Variants in TNK2 observed in about 807,000 individuals in gnomAD.
TNK2 encodes tyrosine kinase non receptor 2, also known as activated CDC42 kinase 1.
In TNK2, 83 loss-of-function variants were observed where a neutral mutation model predicts 101.8. The ratio of observed to expected loss-of-function variants is 0.82; its 90% CI spans 0.68 to 0.98. The LOEUF (loss-of-function observed/expected upper bound fraction) is 0.98. Among genes scored for constraint, TNK2 ranks in the 50% least tolerant of loss-of-function variants. TNK2 has a pLI of 0.00. For synonymous variants in TNK2, 804 were observed against 633.0 expected (o/e 1.27, Z -4.06); for missense variants, 1,665 against 1,483.2 (o/e 1.12, Z -2.01).
At chr3:195,869,875 G>A (rs113792845) in intron 11 of TNK2, 10 of 549,082 alleles carry the variant, frequency 1.8e-5, no homozygotes, top group East Asian at 5.9e-5. Flanking sequence ...GAGGGAGGAG[G>A]GACGCCGGGG....
At chr3:195,904,168 C>T (rs757270329) in intron 1 of TNK2, among the ~76,000 whole-genome samples, 27 of 150,370 alleles carry the variant, frequency 1.8e-4, no homozygotes, top group Non-Finnish European at 3.4e-4. Context: ...TGAGGTGGGA[C>T]GATCACCTGA....
intron 1 of TNK2, among the ~76,000 whole-genome samples, chr3:195,902,646 T>TAAAAAAAAAAAAAAAAAAAAA (rs60167945): frequency 8.3e-6 from 1 of 120,476 alleles, no homozygotes; most frequent in Non-Finnish European, 1.8e-5. Flanking sequence ...AAAACAAACA[T>TAAAAAAAAAAAAAAAAAAAAA]AAAAAAAAAA....
At chr3:195,870,436 G>T in intron 10 of TNK2, 1 of 1,373,374 alleles carries the variant, frequency 7.3e-7, no homozygotes, top group Non-Finnish European at 9.6e-7. Context: ...TAGGACCTCA[G>T]GGACTCCAAC....
Position 195,878,971 on chromosome 3 carries a change from TTCCAG to T in TNK2, c.1014+73_1014+77del. ...GAGGGAGTCCATTGGTGAGAGGCAG[TTCCAG>T]CAGGGCCAGGCTGCAAGCAGGGAAT... is the stretch of plus-strand genomic sequence containing the variant. On this transcript the variant is annotated intron_variant, in intron 7 of 15. Coordinates refer to ENST00000672887, the MANE Select transcript of TNK2 (RefSeq NM_001382273.1). The surrounding 1 kb of genome is among the most constrained non-coding windows in gnomAD (Gnocchi z 4.7). 1 of 1,575,774 alleles carries T rather than the reference TTCCAG, an allele frequency of 6.3e-7. No homozygotes were observed. The highest frequency in any genetic ancestry group is 8.6e-7 in the Non-Finnish European group (1 of 1,162,692).
rs200619114 is a variant in TNK2, at chr3:195,868,487, A to T, written c.1811T>A (p.Leu604Gln). Residue 604 changes from leucine to glutamine, a missense_variant, in exon 13 of 16, where the codon CTG becomes CAG. Transcript: ENST00000672887. ...GCAGGCGTCCATGGCCAGCTGCGCC[A>T]GGGAGGGCGCGCAGGGCCGTAGGGC... The part of the protein sequence containing the change: ...VPALRPCAPS[L>Q]AQLAMDACSL... 3.1e-4 allele frequency: 475 copies of T among 1,550,268 alleles called. 10 individuals carry two copies. In the East Asian group the frequency reaches 6.5e-3, roughly 21 times the overall value.
chr3:195,881,539 C>A (rs1202126759), intron 6 of TNK2, among the ~76,000 whole-genome samples: 5 of 95,162 alleles, frequency 5.3e-5, no homozygotes, highest in Non-Finnish European at 6.1e-5. Context: ...GTAACACCCC[C>A]CCCAGCAATG....
chr3:195,895,516 C>A, intron 1 of TNK2: 1 of 1,351,072 alleles, frequency 7.4e-7, no homozygotes, highest in Middle Eastern at 2.7e-4. Context: ...TGCCGGCCTG[C>A]GGCCATTCCC....
Position 195,879,189 on chromosome 3 carries a change from G to C in TNK2, c.888-14C>G, listed in dbSNP as rs1234084835. 1.2e-6 allele frequency: 2 copies of C among 1,612,540 alleles called. No individual in the cohort carries two copies. Among genetic ancestry groups the C allele is most frequent in the East Asian group, 2.2e-5 (1 of 44,882 alleles). ...TCGGGGGCACACCTGGCAGAGGCAG[G>C]GGTCAAAGAGAAGCCCTCTCAAACA... On this transcript the variant is annotated splice_polypyrimidine_tract_variant and intron_variant, in intron 6 of 15. Coordinates refer to ENST00000672887, the MANE Select transcript of TNK2 (RefSeq NM_001382273.1).
At chr3:195,891,977 A>G in intron 1 of TNK2, 2 of 1,000,920 alleles carry the variant, frequency 2.0e-6, no homozygotes, top group Non-Finnish European at 2.4e-6. Flanking sequence ...CAGGGGATGC[A>G]TGTGGGAGGA....
chr3:195,864,229 G>A (rs1204288904), intron 15 of TNK2, 42 bp from the exon 16 acceptor site: 1 of 1,613,612 alleles, frequency 6.2e-7, no homozygotes, highest in Non-Finnish European at 8.5e-7. Context: ...ACAGTTTACA[G>A]AAGGTTCAGC....
At chr3:195,873,054 A>C (rs1170336242) in intron 9 of TNK2, among the ~76,000 whole-genome samples, 4 of 152,042 alleles carry the variant, frequency 2.6e-5, no homozygotes, top group African/African-American at 9.7e-5. Context: ...GCACTCGGGC[A>C]ACTCAGTCCC....
Position 195,869,035 on chromosome 3 carries a change from C to T in TNK2, c.1589-326G>A, listed in dbSNP as rs1742916514. ...GACCCCGGCGGCCCTGCTCCTGCGC[C>T]CTGGCGAGTTAGTGAGCCCTCATCC... is the stretch of plus-strand genomic sequence containing the variant. On this transcript the variant is annotated intron_variant, in intron 12 of 15. Coordinates refer to ENST00000672887, the MANE Select transcript of TNK2 (RefSeq NM_001382273.1). The T allele has an allele frequency of 1.1e-5, 5 of 471,964 alleles. No individual in the cohort carries two copies. The South Asian group carries it at 1.3e-4, about 12-fold the overall frequency. 29.2% of individuals were successfully genotyped at this position (471,964 alleles called of 1,614,324 possible). A position where few individuals can be genotyped will look rare whatever the true frequency, so the allele number is the denominator to read the frequency against.
intron 2 of TNK2, among the ~76,000 whole-genome samples, chr3:195,887,921 C>CGTGCACGTGTGTGCGCAT (rs1756719830): frequency 8.0e-6 from 1 of 125,544 alleles, no homozygotes; most frequent in Non-Finnish European, 1.6e-5. Context: ...TGCATGCGTG[C>CGTGCACGTGTGTGCGCAT]GTGCACGTGT....
At chr3:195,874,179 C>T (rs1747492529) in intron 9 of TNK2, among the ~76,000 whole-genome samples, 2 of 152,238 alleles carry the variant, frequency 1.3e-5, no homozygotes, top group Admixed American at 6.5e-5. Flanking sequence ...CACACCTCTT[C>T]AGAGGCGCTC....
At chr3:195,875,421 G>A (rs71321858) in intron 9 of TNK2, among the ~76,000 whole-genome samples, 2,046 of 73,024 alleles carry the variant, frequency 0.028, 61 homozygotes, top group African/African-American at 0.067. Context: ...GGCACAAGAA[G>A]CTCCCCCTCG....
Position 195,867,903 on chromosome 3 carries a change from G to T in TNK2, c.2395C>A (p.Leu799Met). 6.5e-7 allele frequency: 1 copy of T among 1,532,234 alleles called. No individual in the cohort carries two copies. The allele number at this position is 1,532,234 out of a possible 1,614,324, so 94.9% of individuals were successfully genotyped here. The change falls in exon 13 of 16, where the codon CTG (leucine) becomes ATG (methionine). Residue 799 changes from leucine to methionine, a missense_variant. Physicochemically the swap from Leu to Met is conservative, Grantham distance 15. This residue lies in a region of TNK2 where 1,136 missense variants were observed against 894.9 expected (regional missense o/e 1.27). Coordinates refer to ENST00000672887, the MANE Select transcript of TNK2 (RefSeq NM_001382273.1). ...GGTGTCCTCGAGCCTTGAGGGGACA[G>T]GGGCTCCCGCGGAGGCACCCGGGGA... Reference protein sequence around the residue: ...SPPRVPPREPLSPQGSRTPSP... With the variant: ...SPPRVPPREPMSPQGSRTPSP...
At position 195,868,256 on chromosome 3, in the gene TNK2, C is replaced by T. The variant is rs2149232112; in HGVS notation, c.2042G>A (p.Gly681Asp). 2 of 1,604,892 alleles carry T rather than the reference C, an allele frequency of 1.2e-6. No homozygotes were observed. The highest frequency in any genetic ancestry group is 1.1e-5 in the South Asian group (1 of 91,046). Reference sequence around the variant, plus strand: ...AGGCACAAAGGCGTAGTTGGTCTGGCCCTGGCTGGGCCCGGCAGGGACCCC... The same window carrying T: ...AGGCACAAAGGCGTAGTTGGTCTGGTCCTGGCTGGGCCCGGCAGGGACCCC... ...GAGVPAGPSQ[G>D]QTNYAFVPEQ... The change falls in exon 13 of 16, where the codon GGC becomes GAC. Residue 681 changes from glycine to aspartate, a missense_variant. Physicochemically the swap from Gly to Asp is moderately conservative, Grantham distance 94. Coordinates refer to ENST00000672887, the MANE Select transcript of TNK2 (RefSeq NM_001382273.1).
chr3:195,875,571 C>T (rs543352090), intron 9 of TNK2, among the ~76,000 whole-genome samples: 103 of 152,288 alleles, frequency 6.8e-4, no homozygotes, highest in Admixed American at 1.9e-3. Context: ...CCACACGCAC[C>T]CGTGTGAGGC....
At chr3:195,905,894 C>T (rs1009870592) in intron 1 of TNK2, among the ~76,000 whole-genome samples, 1 of 152,068 alleles carries the variant, frequency 6.6e-6, no homozygotes, top group Non-Finnish European at 1.5e-5. Flanking sequence ...AAATACAAAG[C>T]CACAAGCTGG....
Sources: allele counts gnomAD v4.1 joint callset (sites outside exome capture counted in the v4.1 genomes callset), GRCh38; gene constraint gnomAD v4.1.1; regional missense constraint gnomAD v4.1.1; non-coding constraint Gnocchi (gnomAD v3.1); transcripts MANE v1.5; gene names NCBI Gene and HGNC (gene_info 2026-07-23, HGNC 2026-07-21).